NLRP5: variants seen among roughly 807,000 people sequenced by gnomAD.
The protein encoded by NLRP5 is NLR family pyrin domain containing 5.
Under a neutral mutation model 113.1 loss-of-function variants are expected in NLRP5, and 93 were observed. The observed-to-expected ratio is 0.82, with a 90% CI of 0.70 to 0.98. The LOEUF is 0.98. Ranked by LOEUF, NLRP5 falls within the 50% of genes least tolerant of loss-of-function variation. The pLI is 0.00. For missense variants in NLRP5, 1,808 were observed against 1,514.3 expected, an observed-to-expected ratio of 1.19 and a Z score of -3.22; for synonymous variants, 751 against 600.7, an observed-to-expected ratio of 1.25 and a Z score of -3.66.
chr19:56,025,981 CG>C lies in NLRP5; in HGVS notation c.680-926del, dbSNP rs527790579. Among the ~76,000 whole-genome samples the C allele has an allele frequency of 4.6e-5, 7 of 152,136 alleles. No homozygotes were observed. In the South Asian group the frequency reaches 1.2e-3, roughly 27 times the overall value. The stretch of plus-strand genomic sequence containing the variant: ...TAAGAAAGTCCATGTTTAGATTCTA[CG>C]GGGGGAGACCATCAGCAAATACAGC... On this transcript the variant is annotated intron_variant, in intron 6 of 14. Coordinates refer to ENST00000390649, the MANE Select transcript of NLRP5 (RefSeq NM_153447.4).
chr19:56,027,098 G>A lies in NLRP5; in HGVS notation c.865G>A (p.Gly289Arg). ...CACGGTGGTTCTGCACGGAAAGTCA[G>A]GAATTGGGAAATCGGCTCTAGCCAG... Residue 289 changes from glycine to arginine, a missense_variant, in exon 7 of 15, where the codon GGA becomes AGA. By Grantham distance (125) the Gly-to-Arg change is moderately radical. Coordinates refer to ENST00000390649, the MANE Select transcript of NLRP5 (RefSeq NM_153447.4). The A allele has an allele frequency of 6.4e-7, 1 of 1,572,944 alleles. No homozygotes were observed. The highest frequency in any genetic ancestry group is 8.6e-7 in the Non-Finnish European group (1 of 1,159,278).
At chr19:56,013,596 G>GTTTTTTTTTTTGTTTTT (rs1982288189) in intron 3 of NLRP5, among the ~76,000 whole-genome samples, 1 of 59,284 alleles carries the variant, frequency 1.7e-5, no homozygotes, top group Non-Finnish European at 2.9e-5. Flanking sequence ...GGACATTTGG[G>GTTTTTTTTTTTGTTTTT]TTTTTTTTTT....
chr19:55,995,781 A>G (rs1232981437), upstream of NLRP5, among the ~76,000 whole-genome samples: 1 of 152,074 alleles, frequency 6.6e-6, no homozygotes, highest in Admixed American at 6.5e-5. Context: ...GGGTTTTACT[A>G]TAGATATTTC....
chr19:56,015,856 A>G (rs1982384493), intron 4 of NLRP5, 58 bp downstream of exon 4: 1 of 1,308,714 alleles, frequency 7.6e-7, no homozygotes, highest in Non-Finnish European at 1.1e-6. Context: ...GGGTGAGAGA[A>G]GTTCATGTAG....
At chr19:56,060,508 G>T (rs1984311117) in intron 14 of NLRP5, among the ~76,000 whole-genome samples, 1 of 152,004 alleles carries the variant, frequency 6.6e-6, no homozygotes, top group Admixed American at 6.6e-5. Flanking sequence ...TAGTAGTTTT[G>T]CTTAAAGTCA....
At chr19:56,004,293 G>C (rs1219398141) in intron 2 of NLRP5, among the ~76,000 whole-genome samples, 198 bp downstream of exon 2, 4 of 152,058 alleles carry the variant, frequency 2.6e-5, no homozygotes, top group South Asian at 2.1e-4. Context: ...GGAGGAGGGA[G>C]AAATGGGTAG....
chr19:56,008,892 A>G, intron 3 of NLRP5, 39 bp downstream of exon 3: 1 of 1,569,204 alleles, frequency 6.4e-7, no homozygotes, highest in Non-Finnish European at 8.7e-7. Flanking sequence ...GATGTGCTTA[A>G]AGACACATGG....
At chr19:56,008,198 G>A (rs756496336) in intron 2 of NLRP5, among the ~76,000 whole-genome samples, 36 of 151,986 alleles carry the variant, frequency 2.4e-4, no homozygotes, top group Non-Finnish European at 5.1e-4. Flanking sequence ...AAAGTGCTGG[G>A]ATTACAGGCG....
At chr19:56,023,084 C>T (rs768329474) in intron 6 of NLRP5, among the ~76,000 whole-genome samples, 4 of 152,104 alleles carry the variant, frequency 2.6e-5, no homozygotes, top group Admixed American at 1.3e-4. Flanking sequence ...CTTAAAGGGG[C>T]GAGTTAGACA....
intron 3 of NLRP5, among the ~76,000 whole-genome samples, chr19:56,014,388 G>A (rs1330874535): frequency 1.3e-5 from 2 of 151,838 alleles, no homozygotes; most frequent in Non-Finnish European, 2.9e-5. Context: ...AGTGAGGCAG[G>A]GGAATCGCTT....
chr19:56,007,869 T>G (rs1407573988), intron 2 of NLRP5, among the ~76,000 whole-genome samples: 4 of 85,928 alleles, frequency 4.7e-5, no homozygotes, highest in African/African-American at 8.4e-5. Flanking sequence ...ACAAGACAGT[T>G]TGTGTGTGTG....
rs1981757917 is a variant in NLRP5 at position 56,004,022 on chromosome 19, G to A, written c.369G>A (p.Trp123Ter). Reference sequence around the variant, plus strand: ...AGTATTATGGAGCATCGCTGGCCTGGGCTACGTCCATTAGCATCTTTGAAA... The same window carrying A: ...AGTATTATGGAGCATCGCTGGCCTGAGCTACGTCCATTAGCATCTTTGAAA... The change falls in exon 2 of 15, where the codon TGG (tryptophan) becomes TGA (stop). Residue 123 changes from tryptophan (W) to a stop codon, truncating the protein, a stop_gained. Transcript: ENST00000390649. LOFTEE classifies it high-confidence loss of function. 6.2e-7 allele frequency: 1 copy of A among 1,613,860 alleles called. No individual in the cohort carries two copies. The highest frequency in any genetic ancestry group is 1.3e-5 in the African/African-American group (1 of 75,008).
intron 11 of NLRP5, among the ~76,000 whole-genome samples, chr19:56,042,428 C>G (rs981284302): frequency 6.6e-6 from 1 of 152,074 alleles, no homozygotes; most frequent in Admixed American, 6.6e-5. Flanking sequence ...ACTGCAACCT[C>G]CACCTCCCCT....
intron 6 of NLRP5, among the ~76,000 whole-genome samples, chr19:56,022,903 T>A (rs1426159978): frequency 6.6e-6 from 1 of 152,088 alleles, no homozygotes; most frequent in African/African-American, 2.4e-5. Flanking sequence ...TTTGTATTTT[T>A]AGTAGAGAGA....
At chr19:56,010,493 C>G (rs944606577) in intron 3 of NLRP5, among the ~76,000 whole-genome samples, 1 of 151,926 alleles carries the variant, frequency 6.6e-6, no homozygotes, top group African/African-American at 2.4e-5. Flanking sequence ...GCCTGTAATC[C>G]CAGCACTTTG....
At chr19:55,991,220 G>A in the NLRP5 span, among the ~76,000 whole-genome samples, 1 of 151,922 alleles carries the variant, frequency 6.6e-6, no homozygotes, top group Non-Finnish European at 1.5e-5. Context: ...ATTATTTGGG[G>A]GCTAAATGTA....
In NLRP5 at chr19:56,027,374, T is replaced by C; in HGVS notation, c.1141T>C (p.Trp381Arg). 6.2e-7 allele frequency: 1 copy of C among 1,613,524 alleles called. No individual in the cohort carries two copies. The highest frequency in any genetic ancestry group is 1.1e-5 in the South Asian group (1 of 91,006). Reference sequence around the variant, plus strand: ...CAATGACACAAAGCTCTGCAAAGACTGGGCTGAGAAGCAGCCTCCGTTCAC... The same window carrying C: ...CAATGACACAAAGCTCTGCAAAGACCGGGCTGAGAAGCAGCCTCCGTTCAC... The change falls in exon 7 of 15, where the codon TGG becomes CGG. Residue 381 changes from tryptophan to arginine, a missense_variant. By Grantham distance (101) the Trp-to-Arg change is moderately radical (BLOSUM62 -3). Coordinates refer to ENST00000390649, the MANE Select transcript of NLRP5 (RefSeq NM_153447.4).
At chr19:55,998,696 A>ATG (rs1568478216), upstream of NLRP5, among the ~76,000 whole-genome samples, 5 of 60,640 alleles carry the variant, frequency 8.2e-5, no homozygotes, top group East Asian at 9.2e-4. Flanking sequence ...ATATATATAT[A>ATG]TATATATGTG....
chr19:56,004,993 C>A (rs943902523), intron 2 of NLRP5, among the ~76,000 whole-genome samples: 12 of 151,114 alleles, frequency 7.9e-5, no homozygotes, highest in Admixed American at 1.3e-4. Flanking sequence ...ACTCAGGAGA[C>A]TGAGGCAGGA....
Sources: gnomAD v4.1 joint callset for allele counts (sites outside exome capture counted in the v4.1 genomes callset) on GRCh38, gnomAD v4.1.1 for gene constraint, MANE v1.5 for transcripts, NCBI Gene and HGNC (gene_info 2026-07-23, HGNC 2026-07-21) for gene names.